The following NTNG1 variants were observed in gnomAD, a reference collection of about 807,000 sequenced individuals.
NTNG1 encodes netrin G1, also known as netrin-G1.
A neutral mutation model predicts 54.0 loss-of-function variants in NTNG1; 16 were observed. The ratio of observed to expected loss-of-function variants is 0.30; its 90% CI spans 0.20 to 0.45. The LOEUF is 0.45. Among genes scored for constraint, NTNG1 ranks in the 20% least tolerant of loss-of-function variants. The pLI is 1.00. For missense variants in NTNG1, 530 were observed against 678.7 expected (o/e 0.78, Z 2.43); for synonymous variants, 255 against 263.1 (o/e 0.97, Z 0.30).
At position 107,148,502 on chromosome 1, in the gene NTNG1, C is replaced by T. The variant is rs1570705337; in HGVS notation, c.-92C>T. On this transcript the variant is annotated 5_prime_UTR_variant, in exon 2 of 8. Transcript: ENST00000370068. ...ACCTACCTACCCGTACGCATACATACATATGTGTATATATATGTAAACTAG... is the reference window on the plus strand; with the variant it reads ...ACCTACCTACCCGTACGCATACATATATATGTGTATATATATGTAAACTAG... 1.7e-6 allele frequency: 2 copies of T among 1,171,228 alleles called. No homozygotes were observed. Among genetic ancestry groups the T allele is most frequent in the Non-Finnish European group, 2.5e-6 (2 of 803,318 alleles). 72.6% of individuals were successfully genotyped at this position (1,171,228 alleles called of 1,614,324 possible).
At chr1:107,149,641 G>T (rs1401959464) in intron 2 of NTNG1, among the ~76,000 whole-genome samples, 2 of 151,954 alleles carry the variant, frequency 1.3e-5, no homozygotes. Context: ...TAATATTGGA[G>T]TAACACATTG....
chr1:107,218,734 A>C (rs1660137406), intron 2 of NTNG1, among the ~76,000 whole-genome samples: 1 of 152,150 alleles, frequency 6.6e-6, no homozygotes. Context: ...CTGAATACAA[A>C]ATTCTTGGCT....
intron 2 of NTNG1, among the ~76,000 whole-genome samples, chr1:107,291,307 C>T (rs540088287): frequency 1.3e-5 from 2 of 152,096 alleles, no homozygotes; most frequent in South Asian, 2.1e-4. Flanking sequence ...ATACATATAA[C>T]ATAGAAAATA....
chr1:107,213,070 T>A (rs1395590984), intron 2 of NTNG1, among the ~76,000 whole-genome samples: 1 of 151,538 alleles, frequency 6.6e-6, no homozygotes, highest in Admixed American at 6.6e-5. Context: ...TAGATAAAAG[T>A]GAAATGAAAT....
chr1:107,232,055 A>G (rs1557830141), intron 2 of NTNG1, among the ~76,000 whole-genome samples: 1 of 152,224 alleles, frequency 6.6e-6, no homozygotes, highest in Non-Finnish European at 1.5e-5. Context: ...GATATTTAAC[A>G]GATCAAATTC....
Position 107,480,965 on chromosome 1 carries a change from G to T in NTNG1, c.*125G>T, listed in dbSNP as rs1338106104. The T allele has an allele frequency of 4.2e-6, 3 of 711,238 alleles. No homozygotes were observed. Among genetic ancestry groups the T allele is most frequent in the African/African-American group, 1.8e-5 (1 of 56,536 alleles). 44.1% of individuals were successfully genotyped at this position (711,238 alleles called of 1,614,324 possible). On this transcript the variant is annotated 3_prime_UTR_variant, in exon 8 of 8. Transcript: ENST00000370068. Reference sequence around the variant, plus strand: ...CCCACTCAGACAGTGTACAAACTAAGAAGGCCTAACTGAACTAAGCCATAT... The same window carrying T: ...CCCACTCAGACAGTGTACAAACTAATAAGGCCTAACTGAACTAAGCCATAT...
At chr1:107,241,926 A>G (rs1343466515) in intron 2 of NTNG1, among the ~76,000 whole-genome samples, 1 of 152,110 alleles carries the variant, frequency 6.6e-6, no homozygotes, top group African/African-American at 2.4e-5. Context: ...GTGCTCACAG[A>G]CGTTTTAGTT....
At chr1:107,238,715 A>T (rs931190943) in intron 2 of NTNG1, among the ~76,000 whole-genome samples, 1 of 151,764 alleles carries the variant, frequency 6.6e-6, no homozygotes, top group Non-Finnish European at 1.5e-5. Flanking sequence ...TCCACGTAAG[A>T]TGTGACTTGC....
At chr1:107,432,361 C>T (rs181830644) in intron 6 of NTNG1, among the ~76,000 whole-genome samples, 22 of 152,242 alleles carry the variant, frequency 1.4e-4, no homozygotes, top group African/African-American at 5.1e-4. Flanking sequence ...CAGATTGACC[C>T]AAATCTTACA....
chr1:107,380,398 T>A (rs1396093909), intron 3 of NTNG1, among the ~76,000 whole-genome samples: 2 of 152,178 alleles, frequency 1.3e-5, no homozygotes, highest in African/African-American at 4.8e-5. Context: ...GTTATCACTT[T>A]AAAACCAGTT....
intron 2 of NTNG1, chr1:107,260,905 C>T (rs1321693700): frequency 6.6e-6 from 1 of 152,172 alleles, no homozygotes; most frequent in Non-Finnish European, 1.5e-5. Context: ...CAATATTTTA[C>T]ACAGAGAAAG....
At chr1:107,459,592 G>C (rs1677155566) in intron 7 of NTNG1, among the ~76,000 whole-genome samples, 1 of 152,124 alleles carries the variant, frequency 6.6e-6, no homozygotes, top group Admixed American at 6.6e-5. Flanking sequence ...AAGTCATTTG[G>C]AATTATTTGC....
At chr1:107,277,201 A>G (rs1664537502) in intron 2 of NTNG1, among the ~76,000 whole-genome samples, 1 of 152,154 alleles carries the variant, frequency 6.6e-6, no homozygotes, top group African/African-American at 2.4e-5. Context: ...TCCTTGCTGA[A>G]CTCAGTTGTT....
intron 2 of NTNG1, among the ~76,000 whole-genome samples, chr1:107,221,831 G>C (rs1660369648): frequency 6.6e-6 from 1 of 152,074 alleles, no homozygotes; most frequent in South Asian, 2.1e-4. Flanking sequence ...AGTTGAGTTG[G>C]GGAATATATG....
At chr1:107,419,221 C>G (rs893534337) in intron 5 of NTNG1, among the ~76,000 whole-genome samples, 1 of 146,372 alleles carries the variant, frequency 6.8e-6, no homozygotes, top group African/African-American at 2.5e-5. Context: ...CTCTCCCTCT[C>G]CCCGCTACCT....
chr1:107,239,260 T>C (rs1661645134), intron 2 of NTNG1, among the ~76,000 whole-genome samples: 1 of 152,184 alleles, frequency 6.6e-6, no homozygotes, highest in African/African-American at 2.4e-5. Flanking sequence ...TAGAAATATC[T>C]GATTTAGAAA....
chr1:107,296,782 A>G (rs1665968685), intron 2 of NTNG1, among the ~76,000 whole-genome samples: 1 of 148,630 alleles, frequency 6.7e-6, no homozygotes, highest in African/African-American at 2.4e-5. Context: ...TATGTAATAT[A>G]AAATATATAT....
intron 3 of NTNG1, among the ~76,000 whole-genome samples, chr1:107,331,223 A>G (rs1668263676): frequency 1.3e-5 from 2 of 151,992 alleles, no homozygotes; most frequent in South Asian, 4.2e-4. Flanking sequence ...CACCAGCCAG[A>G]GATCAGCTCA....
At chr1:107,211,558 A>G (rs1659598995) in intron 2 of NTNG1, among the ~76,000 whole-genome samples, 1 of 152,132 alleles carries the variant, frequency 6.6e-6, no homozygotes, top group African/African-American at 2.4e-5. Context: ...ATGAAGTCCC[A>G]TTAGCACATT....
Sources: allele counts gnomAD v4.1 joint callset (sites outside exome capture counted in the v4.1 genomes callset), GRCh38; gene constraint gnomAD v4.1.1; transcripts MANE v1.5; gene names NCBI Gene and HGNC (gene_info 2026-07-23, HGNC 2026-07-21).